RIGI: variants seen among roughly 807,000 people sequenced by gnomAD.
RIGI encodes antiviral innate immune response receptor RIG-I.
the RIGI span, among the ~76,000 whole-genome samples, chr9:32,479,024 G>C: frequency 2.0e-5 from 3 of 152,154 alleles, no homozygotes; most frequent in African/African-American, 4.8e-5. Context: ...ACTGGCAAAC[G>C]AGTGAAGTTC....
chr9:32,471,353 CCAT>C, the RIGI span, among the ~76,000 whole-genome samples: 1 of 152,316 alleles, frequency 6.6e-6, no homozygotes, highest in Non-Finnish European at 1.5e-5. Flanking sequence ...TTTCTTTTCA[CCAT>C]CATCATCTAC....
At chr9:32,502,039 C>T in the RIGI span, among the ~76,000 whole-genome samples, 1 of 152,182 alleles carries the variant, frequency 6.6e-6, no homozygotes, top group East Asian at 1.9e-4. Flanking sequence ...CTCTCCTTAG[C>T]CCCAGGCAAA....
At chr9:32,475,235 A>G in the RIGI span, among the ~76,000 whole-genome samples, 1 of 152,174 alleles carries the variant, frequency 6.6e-6, no homozygotes, top group African/African-American at 2.4e-5. Context: ...TACAGGTGTG[A>G]GCCACCATGC....
At chr9:32,522,133 A>T in the RIGI span, among the ~76,000 whole-genome samples, 1 of 152,182 alleles carries the variant, frequency 6.6e-6, no homozygotes, top group Non-Finnish European at 1.5e-5. Context: ...AATATGAAAC[A>T]CAGCAGGAGT....
At chr9:32,493,678 C>T in the RIGI span, 4 of 877,290 alleles carry the variant, frequency 4.6e-6, no homozygotes, top group South Asian at 4.5e-5. Context: ...TGATCTTTCT[C>T]AGGTCTAAAA....
At chr9:32,492,173 G>C in the RIGI span, among the ~76,000 whole-genome samples, 1 of 152,146 alleles carries the variant, frequency 6.6e-6, no homozygotes, top group Admixed American at 6.5e-5. Flanking sequence ...TTCTGGATGA[G>C]AGTGGTTTTC....
chr9:32,501,155 C>A, the RIGI span, among the ~76,000 whole-genome samples: 2 of 151,990 alleles, frequency 1.3e-5, no homozygotes, highest in African/African-American at 2.4e-5. Flanking sequence ...TGGAAACCTA[C>A]AGTTTGGTGT....
the RIGI span, among the ~76,000 whole-genome samples, chr9:32,508,258 T>TTTTTTTA: frequency 1.7e-4 from 23 of 138,030 alleles, no homozygotes; most frequent in East Asian, 6.6e-4. Flanking sequence ...TTTTTTTTTT[T>TTTTTTTA]ACTATATGAA....
chr9:32,473,339 G>C, the RIGI span, among the ~76,000 whole-genome samples: 1 of 146,780 alleles, frequency 6.8e-6, no homozygotes, highest in African/African-American at 2.5e-5. Context: ...CTAGGCTGGA[G>C]TGCAGTGGCA....
chr9:32,502,573 G>A, the RIGI span, among the ~76,000 whole-genome samples: 1 of 152,292 alleles, frequency 6.6e-6, no homozygotes, highest in Non-Finnish European at 1.5e-5. Context: ...CTGCAATAAC[G>A]AATTAGGACA....
At chr9:32,516,754 T>C in the RIGI span, among the ~76,000 whole-genome samples, 1 of 152,194 alleles carries the variant, frequency 6.6e-6, no homozygotes, top group Admixed American at 6.5e-5. Flanking sequence ...TTGTAATTTC[T>C]GTGTTTGTGT....
At chr9:32,519,935 T>G in the RIGI span, among the ~76,000 whole-genome samples, 1 of 152,190 alleles carries the variant, frequency 6.6e-6, no homozygotes. Context: ...GTGGTGTAAG[T>G]CACTTAAATC....
chr9:32,490,871 C>T, the RIGI span, among the ~76,000 whole-genome samples: 24 of 152,132 alleles, frequency 1.6e-4, no homozygotes, highest in Non-Finnish European at 3.4e-4. Context: ...CTCAGCCAGG[C>T]GCATTTGGGT....
At chr9:32,491,228 T>C in the RIGI span, 6 of 1,535,238 alleles carry the variant, frequency 3.9e-6, no homozygotes, top group South Asian at 6.2e-5. Flanking sequence ...TGACTTTGGG[T>C]ACTGCAAAAC....
the RIGI span, among the ~76,000 whole-genome samples, chr9:32,481,876 C>T: frequency 6.6e-6 from 1 of 152,186 alleles, no homozygotes; most frequent in Non-Finnish European, 1.5e-5. Context: ...TGAGCCACTG[C>T]ACCTGGCCTA....
At chr9:32,471,880 T>C in the RIGI span, among the ~76,000 whole-genome samples, 4 of 152,184 alleles carry the variant, frequency 2.6e-5, no homozygotes, top group Non-Finnish European at 5.9e-5. Context: ...TGAATCTACT[T>C]TTCATATTTA....
chr9:32,504,479 A>T, the RIGI span, among the ~76,000 whole-genome samples: 1 of 151,976 alleles, frequency 6.6e-6, no homozygotes, highest in Non-Finnish European at 1.5e-5. Flanking sequence ...GGAGTTCGAG[A>T]CTAGCCTGGC....
At chr9:32,484,118 A>G in the RIGI span, among the ~76,000 whole-genome samples, 1 of 152,204 alleles carries the variant, frequency 6.6e-6, no homozygotes, top group Non-Finnish European at 1.5e-5. Context: ...CATTGGAAAG[A>G]TAAGTAGAAC....
the RIGI span, among the ~76,000 whole-genome samples, chr9:32,514,431 T>A: frequency 6.6e-6 from 1 of 152,184 alleles, no homozygotes; most frequent in Non-Finnish European, 1.5e-5. Flanking sequence ...TGCAGGGTCA[T>A]GGATGAAGCT....
Sources: gnomAD v4.1 joint callset for allele counts (sites outside exome capture counted in the v4.1 genomes callset) on GRCh38, gnomAD v4.1.1 for gene constraint, MANE v1.5 for transcripts, NCBI Gene and HGNC (gene_info 2026-07-23, HGNC 2026-07-21) for gene names.